Variants in MYZAP observed in about 807,000 individuals in gnomAD.
MYZAP encodes the protein GRINL1A complex locus upstream.
MYZAP carries 66 observed loss-of-function variants against 69.4 expected under a neutral mutation model. That is an observed-to-expected ratio of 0.95 (90% CI 0.78 to 1.17). MYZAP has a LOEUF of 1.17. Among genes scored for constraint, MYZAP ranks in the 50% most tolerant of loss-of-function variants. The pLI is 0.00. For synonymous variants in MYZAP, 256 were observed against 205.9 expected (o/e 1.24, Z -2.09); for missense variants, 611 against 556.2 (o/e 1.10, Z -0.99).
At position 57,618,109 on chromosome 15, in the gene MYZAP, A is replaced by G; in HGVS notation, c.239A>G (p.Asp80Gly). ...GVVYGVVRRS[D>G]QNQQKEMVVY... Reference sequence around the variant, plus strand: ...GTTTATGGTGTGGTGCGAAGATCAGATCAAAATCAGCAGAAAGAAATGGTG... The same window carrying G: ...GTTTATGGTGTGGTGCGAAGATCAGGTCAAAATCAGCAGAAAGAAATGGTG... The change falls in exon 3 of 13, where the codon GAT becomes GGT. Residue 80 changes from aspartate to glycine, a missense_variant. Physicochemically the swap from Asp to Gly is moderately conservative, Grantham distance 94 (BLOSUM62 -1). Coordinates refer to ENST00000267853, the MANE Select transcript of MYZAP (RefSeq NM_001018100.5). The G allele has an allele frequency of 6.2e-7, 1 of 1,614,194 alleles. No individual in the cohort carries two copies. Among genetic ancestry groups the G allele is most frequent in the Non-Finnish European group, 8.5e-7 (1 of 1,180,032 alleles).
At chr15:57,625,563 G>T (rs1469567263) in intron 4 of MYZAP, among the ~76,000 whole-genome samples, 1 of 152,184 alleles carries the variant, frequency 6.6e-6, no homozygotes, top group Non-Finnish European at 1.5e-5. Context: ...TTGTTGAGAG[G>T]GCTAAATGAG....
At chr15:57,606,930 G>A (rs1249396973) in intron 2 of MYZAP, among the ~76,000 whole-genome samples, 2 of 152,218 alleles carry the variant, frequency 1.3e-5, no homozygotes, top group African/African-American at 4.8e-5. Context: ...TAAGCAGAGA[G>A]TGGAAGTGGT....
At chr15:57,608,041 T>G (rs1426214277) in intron 2 of MYZAP, among the ~76,000 whole-genome samples, 6 of 152,224 alleles carry the variant, frequency 3.9e-5, no homozygotes, top group African/African-American at 1.4e-4. Context: ...TGAAGGGGCT[T>G]CTTCTGTGTG....
At chr15:57,626,630 T>C (rs1595883134) in intron 5 of MYZAP, among the ~76,000 whole-genome samples, 1 of 152,208 alleles carries the variant, frequency 6.6e-6, no homozygotes, top group East Asian at 1.9e-4. Context: ...TGAACAACAG[T>C]TTTTACCTCT....
At chr15:57,638,220 G>A (rs1291520458) in intron 9 of MYZAP, among the ~76,000 whole-genome samples, 2 of 152,152 alleles carry the variant, frequency 1.3e-5, no homozygotes, top group Admixed American at 1.3e-4. Context: ...TGAAAAACAC[G>A]GAATAGTACG....
intron 9 of MYZAP, among the ~76,000 whole-genome samples, chr15:57,638,343 C>T (rs1394567465): frequency 1.3e-5 from 2 of 152,148 alleles, no homozygotes; most frequent in African/African-American, 4.8e-5. Context: ...CTCCCTGAGT[C>T]TTGCTTGTGC....
At chr15:57,683,075 G>C (rs1312801271) in intron 12 of MYZAP, among the ~76,000 whole-genome samples, 8 of 152,158 alleles carry the variant, frequency 5.3e-5, no homozygotes, top group Non-Finnish European at 1.2e-4. Context: ...ACAAGGGACA[G>C]TGGCAGGCTG....
At chr15:57,599,384 C>A in intron 1 of MYZAP, 1 of 977,822 alleles carries the variant, frequency 1.0e-6, no homozygotes, top group Non-Finnish European at 1.3e-6. Context: ...GTCGTACCCT[C>A]ATAGTCCCTA....
intron 1 of MYZAP, among the ~76,000 whole-genome samples, chr15:57,603,012 C>G (rs905194971): frequency 3.9e-5 from 6 of 152,134 alleles, no homozygotes; most frequent in Non-Finnish European, 5.9e-5. Context: ...TGATAAATCA[C>G]ACAAATTGTA....
chr15:57,660,305 A>G (rs2038222167), intron 10 of MYZAP, among the ~76,000 whole-genome samples: 1 of 152,086 alleles, frequency 6.6e-6, no homozygotes, highest in Non-Finnish European at 1.5e-5. Flanking sequence ...ATTTTGCATG[A>G]GAAGGATTTT....
intron 3 of MYZAP, among the ~76,000 whole-genome samples, chr15:57,619,686 A>G (rs1294058203): frequency 3.9e-5 from 6 of 152,202 alleles, no homozygotes; most frequent in Admixed American, 1.3e-4. Context: ...AGAATATTCA[A>G]TTCCTGAATT....
intron 11 of MYZAP, among the ~76,000 whole-genome samples, chr15:57,662,775 A>T (rs2038374647): frequency 6.6e-6 from 1 of 152,156 alleles, no homozygotes; most frequent in Non-Finnish European, 1.5e-5. Context: ...GTAAGCCTGG[A>T]TCCAGATCCT....
intron 2 of MYZAP, among the ~76,000 whole-genome samples, chr15:57,617,330 T>G (rs1486580594): frequency 6.6e-6 from 1 of 152,200 alleles, no homozygotes; most frequent in African/African-American, 2.4e-5. Context: ...CCTTTCCTGC[T>G]TGTTAAGCCT....
intron 11 of MYZAP, among the ~76,000 whole-genome samples, chr15:57,673,652 T>G (rs1000754519): frequency 6.6e-6 from 1 of 152,176 alleles, no homozygotes; most frequent in Non-Finnish European, 1.5e-5. Context: ...ATTTCTTATT[T>G]ATCAGAAAGG....
chr15:57,669,565 A>T (rs1206546538), intron 11 of MYZAP, among the ~76,000 whole-genome samples: 88 of 151,820 alleles, frequency 5.8e-4, no homozygotes, highest in Non-Finnish European at 8.8e-5. Context: ...ATTTTTGTTG[A>T]TTTTAAAAAA....
In MYZAP at chr15:57,593,188, GCACA is replaced by G. The variant is rs199705290; in HGVS notation, c.75+1103_75+1106del. ...AGACACTTAGGTTGTGTACACAGGCGCACACACACACACACACACACACACACCC... is the reference window on the plus strand; with the variant it reads ...AGACACTTAGGTTGTGTACACAGGCGCACACACACACACACACACACACCC... On this transcript the variant is annotated intron_variant, in intron 1 of 12. Transcript: ENST00000267853. 9.1e-3 allele frequency among the ~76,000 whole-genome samples: 1,036 copies of G among 114,184 alleles called. 14 individuals carry two copies. Among genetic ancestry groups the G allele is most frequent in the African/African-American group, 0.014 (402 of 29,728 alleles). The allele number at this position is 114,184 out of a possible 152,430, so 74.9% of individuals were successfully genotyped here.
chr15:57,630,537 G>T (rs1314438096), intron 6 of MYZAP, among the ~76,000 whole-genome samples: 1 of 152,166 alleles, frequency 6.6e-6, no homozygotes, highest in East Asian at 1.9e-4. Context: ...TGTACCCCAA[G>T]TACAATATTC....
intron 12 of MYZAP, among the ~76,000 whole-genome samples, chr15:57,682,503 C>T (rs1012794011): frequency 3.9e-5 from 6 of 152,318 alleles, no homozygotes; most frequent in Admixed American, 2.0e-4. Context: ...CATGATCTCT[C>T]TTTCACCTCC....
chr15:57,675,910 A>T (rs2039090304), intron 12 of MYZAP, among the ~76,000 whole-genome samples: 1 of 152,144 alleles, frequency 6.6e-6, no homozygotes, highest in African/African-American at 2.4e-5. Flanking sequence ...TGTGTGCAGG[A>T]GGGTGGATTC....
Sources: gnomAD v4.1 joint callset for allele counts (sites outside exome capture counted in the v4.1 genomes callset) on GRCh38, gnomAD v4.1.1 for gene constraint, MANE v1.5 for transcripts, NCBI Gene and HGNC (gene_info 2026-07-23, HGNC 2026-07-21) for gene names.